Variants in RELL1 observed in about 807,000 individuals in gnomAD.
RELL1 encodes the protein RELT like 1, also known as RELT-like protein 1.
Under a neutral mutation model 23.0 loss-of-function variants are expected in RELL1, and 10 were observed. The observed-to-expected ratio is 0.43, with a 90% CI of 0.27 to 0.74. The LOEUF is 0.74. Among genes scored for constraint, RELL1 ranks in the 30% least tolerant of loss-of-function variants. RELL1 has a pLI of 0.19. For missense variants in RELL1, 315 were observed against 364.4 expected (o/e 0.86, Z 1.10); for synonymous variants, 146 against 146.8 (o/e 0.99, Z 0.04).
chr4:37,598,289 A>G (rs1415240252), intron 6 of RELL1, among the ~76,000 whole-genome samples: 1 of 101,348 alleles, frequency 9.9e-6, no homozygotes, highest in Admixed American at 1.0e-4. Flanking sequence ...AAAAAAGTTT[A>G]TAGGAAGAAA....
At chr4:37,623,357 G>A (rs559520864) in intron 6 of RELL1, 94 of 153,906 alleles carry the variant, frequency 6.1e-4, no homozygotes, top group Non-Finnish European at 9.6e-4. Flanking sequence ...AAGAAACGGC[G>A]GTTGATTTGC....
chr4:37,662,319 T>C (rs1025670928), intron 1 of RELL1, among the ~76,000 whole-genome samples: 1 of 152,200 alleles, frequency 6.6e-6, no homozygotes, highest in Non-Finnish European at 1.5e-5. Flanking sequence ...AAAGTAGTAT[T>C]TGGGGCATAA....
intron 1 of RELL1, among the ~76,000 whole-genome samples, chr4:37,653,013 T>C (rs1243890513): frequency 3.3e-5 from 5 of 152,174 alleles, no homozygotes; most frequent in African/African-American, 1.2e-4. Context: ...GTGACTAATC[T>C]GTGATAATTT....
At chr4:37,650,620 G>A (rs544601708) in intron 1 of RELL1, among the ~76,000 whole-genome samples, 4 of 152,106 alleles carry the variant, frequency 2.6e-5, no homozygotes, top group Non-Finnish European at 5.9e-5. Flanking sequence ...TTTGAAGTGG[G>A]CATCTTTTGG....
chr4:37,615,785 A>C (rs1443184269), intron 6 of RELL1, among the ~76,000 whole-genome samples: 1 of 152,254 alleles, frequency 6.6e-6, no homozygotes, highest in African/African-American at 2.4e-5. Context: ...ATAAAAATTA[A>C]GAACCGCCCA....
chr4:37,596,736 A>ATTTTTT lies in RELL1; in HGVS notation c.*4-5525_*4-5520dup, dbSNP rs1178565372. On this transcript the variant is annotated intron_variant, in intron 6 of 6. Coordinates refer to the RELL1 transcript ENST00000314117. The stretch of plus-strand genomic sequence containing the variant: ...TATATATATATATATATATATATAT[A>ATTTTTT]TTTTTTTTTTTTTTTTTTTTTTTTT... Among the ~76,000 whole-genome samples the ATTTTTT allele has an allele frequency of 7.9e-4, 13 of 16,504 alleles. 3 individuals carry two copies. The highest frequency in any genetic ancestry group is 1.2e-3 in the Admixed American group (1 of 854). 10.8% of individuals were successfully genotyped at this position (16,504 alleles called of 152,430 possible).
intron 1 of RELL1, among the ~76,000 whole-genome samples, chr4:37,669,357 G>T (rs915209186): frequency 6.7e-5 from 10 of 148,194 alleles, no homozygotes; most frequent in African/African-American, 2.5e-4. Flanking sequence ...CCGGGAGGGA[G>T]GTGGGGGGGT....
At chr4:37,615,443 C>T (rs1719544035) in intron 6 of RELL1, among the ~76,000 whole-genome samples, 1 of 152,154 alleles carries the variant, frequency 6.6e-6, no homozygotes, top group African/African-American at 2.4e-5. Flanking sequence ...TTCTTTAACC[C>T]AGAACAATAA....
chr4:37,617,406 C>T (rs985298334), intron 6 of RELL1, among the ~76,000 whole-genome samples: 4 of 152,126 alleles, frequency 2.6e-5, no homozygotes, highest in African/African-American at 7.2e-5. Context: ...ATAAAGTCAG[C>T]GGAGGTCAAA....
intron 3 of RELL1, among the ~76,000 whole-genome samples, chr4:37,640,546 G>A (rs751727609): frequency 8.5e-5 from 13 of 152,116 alleles, no homozygotes; most frequent in Admixed American, 2.0e-4. Context: ...CCCCAGATCC[G>A]TGCAGACACC....
At chr4:37,657,676 C>T (rs573164623) in intron 1 of RELL1, among the ~76,000 whole-genome samples, 3 of 152,188 alleles carry the variant, frequency 2.0e-5, no homozygotes, top group South Asian at 2.1e-4. Flanking sequence ...GTGGCTTACA[C>T]CTGAAATCCC....
intron 3 of RELL1, among the ~76,000 whole-genome samples, chr4:37,646,655 C>T (rs1230695817): frequency 6.6e-6 from 1 of 152,176 alleles, no homozygotes; most frequent in East Asian, 1.9e-4. Context: ...TATTTGAGTA[C>T]TTACCATACT....
At chr4:37,669,461 G>A (rs867068814) in intron 1 of RELL1, among the ~76,000 whole-genome samples, 1,698 of 150,762 alleles carry the variant, frequency 0.011, 17 homozygotes, top group African/African-American at 0.039. Context: ...GGTGAGGGGC[G>A]CCTCTGCCCG....
intron 6 of RELL1, among the ~76,000 whole-genome samples, chr4:37,598,447 T>C (rs2109482521): frequency 6.6e-6 from 1 of 152,180 alleles, no homozygotes. Flanking sequence ...TTTATAGGTA[T>C]GACTATAGCT....
intron 6 of RELL1, among the ~76,000 whole-genome samples, chr4:37,602,662 A>G (rs982359482): frequency 6.6e-6 from 1 of 152,154 alleles, no homozygotes; most frequent in Non-Finnish European, 1.5e-5. Context: ...GGATGAGAAG[A>G]CAGAGGATTT....
chr4:37,647,225 A>C (rs1229851439), intron 3 of RELL1, 143 bp downstream of exon 3: 2 of 584,122 alleles, frequency 3.4e-6, no homozygotes, highest in Non-Finnish European at 6.2e-6. Context: ...AAACTTGCGT[A>C]GCTGAATAAT....
chr4:37,595,058 T>C (rs555341033), intron 6 of RELL1, among the ~76,000 whole-genome samples: 3 of 152,350 alleles, frequency 2.0e-5, no homozygotes, highest in African/African-American at 7.2e-5. Flanking sequence ...TGGTCTTGTT[T>C]CATTTTTTTT....
chr4:37,684,349 CAA>C (rs372907719), intron 1 of RELL1, among the ~76,000 whole-genome samples: 16 of 137,610 alleles, frequency 1.2e-4, no homozygotes, highest in Middle Eastern at 3.5e-3. Flanking sequence ...TAATTTTCAT[CAA>C]AAAAAAAAAA....
chr4:37,668,338 G>A (rs1023121087), intron 1 of RELL1, among the ~76,000 whole-genome samples: 5 of 152,002 alleles, frequency 3.3e-5, no homozygotes, highest in African/African-American at 1.2e-4. Context: ...GCCTCAGCCT[G>A]CCGAGTGCCT....
Sources: gnomAD v4.1 joint callset for allele counts (sites outside exome capture counted in the v4.1 genomes callset) on GRCh38, gnomAD v4.1.1 for gene constraint, MANE v1.5 for transcripts, NCBI Gene and HGNC (gene_info 2026-07-23, HGNC 2026-07-21) for gene names.